IQCM: variants seen among roughly 807,000 people sequenced by gnomAD.
The protein encoded by IQCM is IQ motif containing M, also known as IQ domain-containing protein M.
In IQCM, 45 loss-of-function variants were observed where a neutral mutation model predicts 57.6. That is an observed-to-expected ratio of 0.78 (90% CI 0.62 to 1.00). IQCM has a LOEUF of 1.00. IQCM is among the 50% of genes least tolerant of loss of function. The pLI, the probability that IQCM is intolerant of heterozygous loss-of-function variation, is 0.00. For missense variants in IQCM, 468 were observed against 511.6 expected (o/e 0.91, Z 0.82); for synonymous variants, 148 against 158.9 (o/e 0.93, Z 0.51).
chr4:149,497,747 T>TAA (rs531108794), intron 12 of IQCM, among the ~76,000 whole-genome samples: 4 of 95,934 alleles, frequency 4.2e-5, no homozygotes, highest in Non-Finnish European at 4.8e-5. Context: ...TATTTCACTT[T>TAA]AAAAAAAAAA....
intron 7 of IQCM, among the ~76,000 whole-genome samples, chr4:149,658,486 GTC>G (rs1302694341): frequency 6.6e-6 from 1 of 151,768 alleles, no homozygotes; most frequent in Non-Finnish European, 1.5e-5. Flanking sequence ...GGCTTTTGGG[GTC>G]TCTCGTGGTT....
chr4:149,632,165 T>C (rs949867781), intron 7 of IQCM, among the ~76,000 whole-genome samples: 4 of 152,218 alleles, frequency 2.6e-5, no homozygotes, highest in Admixed American at 2.6e-4. Context: ...AGGGGATGAC[T>C]TTCCATGATA....
At chr4:149,388,515 A>ATATATATTATATATATTATATAT (rs1731588048) in intron 13 of IQCM, among the ~76,000 whole-genome samples, 4 of 138,560 alleles carry the variant, frequency 2.9e-5, no homozygotes, top group Admixed American at 7.4e-5. Flanking sequence ...TATATTATAC[A>ATATATATTATATATATTATATAT]TATATATTAT....
chr4:149,419,646 CT>C (rs1314769311), intron 13 of IQCM, among the ~76,000 whole-genome samples: 1 of 152,094 alleles, frequency 6.6e-6, no homozygotes, highest in East Asian at 1.9e-4. Flanking sequence ...CAAATGGGAT[CT>C]GATTAAACTA....
intron 7 of IQCM, among the ~76,000 whole-genome samples, chr4:149,646,410 A>G (rs1320839077): frequency 6.6e-6 from 1 of 151,800 alleles, no homozygotes; most frequent in Admixed American, 6.6e-5. Flanking sequence ...ATTTTTCCAG[A>G]ATATTTTTAT....
chr4:149,733,694 G>T (rs1444324379), intron 4 of IQCM, among the ~76,000 whole-genome samples, 186 bp from the exon 5 acceptor site: 1 of 147,602 alleles, frequency 6.8e-6, no homozygotes, highest in Non-Finnish European at 1.5e-5. Context: ...AGCTAAATCA[G>T]ATGTTATTCT....
chr4:149,708,389 A>C (rs547572050), intron 5 of IQCM, among the ~76,000 whole-genome samples: 37 of 152,146 alleles, frequency 2.4e-4, no homozygotes, highest in African/African-American at 8.2e-4. Context: ...TTGAAGATTT[A>C]AGTGCCACCT....
At chr4:149,603,912 C>A (rs1310809138) in intron 8 of IQCM, among the ~76,000 whole-genome samples, 1 of 152,126 alleles carries the variant, frequency 6.6e-6, no homozygotes, top group Non-Finnish European at 1.5e-5. Flanking sequence ...ACACCTGTGA[C>A]ATGTGCGTCC....
intron 2 of IQCM, among the ~76,000 whole-genome samples, chr4:149,791,427 A>G (rs1223781919): frequency 6.6e-6 from 1 of 152,166 alleles, no homozygotes; most frequent in Non-Finnish European, 1.5e-5. Flanking sequence ...TTTTTGTTAG[A>G]AACATTTCAG....
At chr4:149,678,276 C>G (rs1181400234) in intron 7 of IQCM, among the ~76,000 whole-genome samples, 1 of 151,610 alleles carries the variant, frequency 6.6e-6, no homozygotes. Context: ...ATCCTAAAAG[C>G]AACAAGAGAA....
intron 12 of IQCM, among the ~76,000 whole-genome samples, chr4:149,544,860 G>A (rs545185137): frequency 2.6e-4 from 39 of 152,214 alleles, no homozygotes; most frequent in Middle Eastern, 3.4e-3. Flanking sequence ...GAATAAAATC[G>A]GACGTTTATT....
chr4:149,421,997 T>C (rs942791346), intron 13 of IQCM, among the ~76,000 whole-genome samples: 13 of 151,934 alleles, frequency 8.6e-5, no homozygotes, highest in African/African-American at 3.1e-4. Context: ...AATTATCAAA[T>C]GTTCTAATTT....
At chr4:149,493,955 A>G (rs1742378498) in intron 12 of IQCM, among the ~76,000 whole-genome samples, 1 of 151,908 alleles carries the variant, frequency 6.6e-6, no homozygotes. Flanking sequence ...CAGAATTATA[A>G]TCAGACACAA....
chr4:149,378,513 T>G (rs368425736), intron 13 of IQCM, among the ~76,000 whole-genome samples: 85 of 152,256 alleles, frequency 5.6e-4, no homozygotes, highest in African/African-American at 2.0e-3. Flanking sequence ...TCATTATATT[T>G]TAGCAAAGTG....
chr4:149,714,588 G>A (rs1050647353), intron 5 of IQCM, among the ~76,000 whole-genome samples: 2 of 152,166 alleles, frequency 1.3e-5, no homozygotes, highest in African/African-American at 4.8e-5. Flanking sequence ...ACTGTGGGTA[G>A]TACCAAATCC....
chr4:149,429,672 T>C (rs181728750), intron 13 of IQCM, among the ~76,000 whole-genome samples: 1 of 152,070 alleles, frequency 6.6e-6, no homozygotes, highest in East Asian at 1.9e-4. Flanking sequence ...AGAGTATTAA[T>C]GTTGGAACAC....
chr4:149,728,581 A>C (rs1355281716), intron 5 of IQCM, among the ~76,000 whole-genome samples: 1 of 152,186 alleles, frequency 6.6e-6, no homozygotes, highest in Non-Finnish European at 1.5e-5. Context: ...AAATGTGGGG[A>C]GCCACATTGG....
chr4:149,721,055 A>G (rs1179395755), intron 5 of IQCM, among the ~76,000 whole-genome samples: 122 of 152,136 alleles, frequency 8.0e-4, no homozygotes, highest in Non-Finnish European at 7.4e-5. Context: ...TGTATGTATA[A>G]TCGGTCATCT....
chr4:149,710,767 A>T (rs180950927), intron 5 of IQCM, among the ~76,000 whole-genome samples: 2 of 152,250 alleles, frequency 1.3e-5, no homozygotes, highest in East Asian at 3.9e-4. Flanking sequence ...ATAGCACAAT[A>T]CACTTAGGTG....
Sources: allele counts gnomAD v4.1 joint callset (sites outside exome capture counted in the v4.1 genomes callset), GRCh38; gene constraint gnomAD v4.1.1; transcripts MANE v1.5; gene names NCBI Gene and HGNC (gene_info 2026-07-23, HGNC 2026-07-21).